The following RREB1 variants were observed in gnomAD, a reference collection of about 807,000 sequenced individuals.
RREB1 encodes ras responsive element binding protein 1.
A neutral mutation model predicts 117.8 loss-of-function variants in RREB1; 27 were observed. The ratio of observed to expected loss-of-function variants is 0.23; its 90% CI spans 0.17 to 0.32. RREB1 has a LOEUF of 0.32. RREB1 is among the 10% of genes least tolerant of loss of function. The probability of loss-of-function intolerance (pLI) is 1.00; values close to 1 mark genes in which losing one functional copy is unlikely to be tolerated. For missense variants in RREB1, 2,577 were observed against 2,378.2 expected, an observed-to-expected ratio of 1.08 and a Z score of -1.74; for synonymous variants, 1,298 against 1,026.7, an observed-to-expected ratio of 1.26 and a Z score of -5.05.
At chr6:7,191,128 G>A (rs1045172996) in intron 6 of RREB1, among the ~76,000 whole-genome samples, 1 of 152,190 alleles carries the variant, frequency 6.6e-6, no homozygotes, top group Admixed American at 6.5e-5. Flanking sequence ...TAACCTGTGT[G>A]GCAGTGTGTT....
At chr6:7,140,627 C>T (rs890948979) in intron 1 of RREB1, 4 of 152,218 alleles carry the variant, frequency 2.6e-5, no homozygotes, top group African/African-American at 7.2e-5. Flanking sequence ...TTATTCTCCT[C>T]CTGCCCCTCC....
chr6:7,133,924 CAT>C (rs372464330), intron 1 of RREB1, among the ~76,000 whole-genome samples: 12 of 152,236 alleles, frequency 7.9e-5, no homozygotes, highest in Admixed American at 5.2e-4. Flanking sequence ...CATTTTTGTA[CAT>C]GTCTTTATAC....
At chr6:7,246,333 G>C (rs1370578179) in intron 11 of RREB1, 91 bp from the exon 12 acceptor site, 1 of 1,172,294 alleles carries the variant, frequency 8.5e-7, no homozygotes, top group Non-Finnish European at 1.1e-6. Flanking sequence ...CAGGCTGCTG[G>C]CGTGGGTCTA....
At chr6:7,124,228 A>G (rs1229412367) in intron 1 of RREB1, among the ~76,000 whole-genome samples, 1 of 152,100 alleles carries the variant, frequency 6.6e-6, no homozygotes, top group African/African-American at 2.4e-5. Context: ...TTGTCCTTCC[A>G]TTCTGCCCTG....
chr6:7,136,968 G>A (rs1008614181), intron 1 of RREB1, among the ~76,000 whole-genome samples: 10 of 152,222 alleles, frequency 6.6e-5, no homozygotes, highest in African/African-American at 1.9e-4. Context: ...TGAAGCCACC[G>A]CGGCACCTGG....
intron 12 of RREB1, 114 bp from the exon 13 acceptor site, chr6:7,248,397 G>T: frequency 1.2e-6 from 1 of 848,746 alleles, no homozygotes. Flanking sequence ...TGAGTAGGAC[G>T]GAGTCCTGGC....
At chr6:7,246,403 C>T (rs1398680804) in intron 11 of RREB1, 21 bp from the exon 12 acceptor site, 2 of 1,460,208 alleles carry the variant, frequency 1.4e-6, no homozygotes, top group Non-Finnish European at 1.8e-6. Flanking sequence ...CTGAGCCCTC[C>T]CCGCTGTGCT....
chr6:7,113,506 G>A (rs184542438), intron 1 of RREB1, among the ~76,000 whole-genome samples: 15 of 152,094 alleles, frequency 9.9e-5, no homozygotes, highest in African/African-American at 3.1e-4. Context: ...AAGATTCCAC[G>A]TTCATGCTGA....
intron 6 of RREB1, among the ~76,000 whole-genome samples, chr6:7,193,102 A>G (rs1765494486): frequency 6.6e-6 from 1 of 152,164 alleles, no homozygotes; most frequent in African/African-American, 2.4e-5. Flanking sequence ...CAAATTTCTT[A>G]TTAATTTCTA....
chr6:7,180,934 G>A (rs1477160028), intron 2 of RREB1, among the ~76,000 whole-genome samples, 190 bp from the exon 3 acceptor site: 1 of 152,178 alleles, frequency 6.6e-6, no homozygotes, highest in Non-Finnish European at 1.5e-5. Flanking sequence ...AGTACTGTAG[G>A]GGTTAAGATA....
Position 7,109,708 on chromosome 6 carries a change from G to C in RREB1, c.-285+1648G>C, listed in dbSNP as rs573415783. On this transcript the variant is annotated intron_variant, in intron 1 of 12. Transcript: ENST00000379938. ...CTCCTTACTGGTTAGGAGATAGAACGTGAGCCCAGATCCGGACGAGCAGTT... is the reference window on the plus strand; with the variant it reads ...CTCCTTACTGGTTAGGAGATAGAACCTGAGCCCAGATCCGGACGAGCAGTT... Among the ~76,000 whole-genome samples, 4 of 152,350 alleles carry C rather than the reference G, an allele frequency of 2.6e-5. No individual in the cohort carries two copies. The South Asian group carries it at 8.3e-4, about 32-fold the overall frequency.
intron 1 of RREB1, among the ~76,000 whole-genome samples, chr6:7,139,057 A>G (rs1762455876): frequency 2.0e-5 from 3 of 152,218 alleles, no homozygotes; most frequent in African/African-American, 7.2e-5. Flanking sequence ...AATGAATACA[A>G]TATGTTAACA....
chr6:7,219,725 A>T (rs1767126620), intron 8 of RREB1, among the ~76,000 whole-genome samples: 2 of 152,272 alleles, frequency 1.3e-5, no homozygotes, highest in South Asian at 4.1e-4. Context: ...GCACTTCTCT[A>T]AGCACATATC....
At chr6:7,176,446 TC>T (rs1764505545) in intron 1 of RREB1, among the ~76,000 whole-genome samples, 1 of 152,106 alleles carries the variant, frequency 6.6e-6, no homozygotes, top group Non-Finnish European at 1.5e-5. Flanking sequence ...TCCTGTCTGT[TC>T]AAGGCACACT....
At chr6:7,124,003 A>G (rs1348828453) in intron 1 of RREB1, among the ~76,000 whole-genome samples, 1 of 152,210 alleles carries the variant, frequency 6.6e-6, no homozygotes, top group Non-Finnish European at 1.5e-5. Flanking sequence ...ATTGGGATAC[A>G]TGGTATAAAA....
chr6:7,171,660 A>G (rs148979191), intron 1 of RREB1, among the ~76,000 whole-genome samples: 143 of 152,310 alleles, frequency 9.4e-4, no homozygotes, highest in Non-Finnish European at 1.6e-3. Flanking sequence ...CATGTGGCAC[A>G]TGGTGCTCAA....
At position 7,227,629 on chromosome 6, in the gene RREB1, T is replaced by A. The variant is rs55694706; in HGVS notation, c.897+973T>A. 5.3e-3 allele frequency among the ~76,000 whole-genome samples: 809 copies of A among 151,874 alleles called. 10 individuals carry two copies. Among genetic ancestry groups the A allele is most frequent in the African/African-American group, 0.018 (753 of 41,426 alleles). On this transcript the variant is annotated intron_variant, in intron 9 of 12. Transcript: ENST00000379938. ...ATGATAATCGGAATTCGTGGGATTT[T>A]AAAAAAAAATCTTTCTTTACTATCT...
intron 1 of RREB1, among the ~76,000 whole-genome samples, chr6:7,120,959 G>A (rs992852180): frequency 2.0e-5 from 3 of 151,762 alleles, no homozygotes; most frequent in African/African-American, 7.3e-5. Flanking sequence ...GAGTAGCTGG[G>A]ATTACAGGTG....
intron 1 of RREB1, among the ~76,000 whole-genome samples, chr6:7,128,793 A>AC (rs1762040491): frequency 6.6e-6 from 1 of 152,102 alleles, no homozygotes; most frequent in African/African-American, 2.4e-5. Flanking sequence ...ATATGGTGAA[A>AC]CCCCATCTCT....
Sources: allele counts gnomAD v4.1 joint callset (sites outside exome capture counted in the v4.1 genomes callset), GRCh38; gene constraint gnomAD v4.1.1; transcripts MANE v1.5; gene names NCBI Gene and HGNC (gene_info 2026-07-23, HGNC 2026-07-21).